SAMMSON: variants seen among roughly 807,000 people sequenced by gnomAD.
SAMMSON encodes the protein survival associated mitochondrial melanoma specific oncogenic non-coding RNA, also known as long intergenic non-protein coding RNA 1212.
At chr3:70,051,134 C>CAAAAAAAAAAAAAAAA (rs71126477) in intron 3 of SAMMSON, among the ~76,000 whole-genome samples, 2 of 45,234 alleles carry the variant, frequency 4.4e-5, no homozygotes, top group Non-Finnish European at 8.1e-5. Flanking sequence ...TACTCCATCT[C>CAAAAAAAAAAAAAAAA]AAAAAAAAAA....
intron 7 of SAMMSON, among the ~76,000 whole-genome samples, chr3:70,305,770 T>C (rs1702394055): frequency 6.6e-6 from 1 of 152,218 alleles, no homozygotes; most frequent in Admixed American, 6.6e-5. Flanking sequence ...GTCCAGTGAA[T>C]TTATGAATGT....
chr3:70,161,700 T>C (rs2106693382), intron 4 of SAMMSON, among the ~76,000 whole-genome samples: 1 of 151,962 alleles, frequency 6.6e-6, no homozygotes, highest in East Asian at 1.9e-4. Flanking sequence ...ATTTCAGAAG[T>C]TTTTCTTCCT....
At chr3:70,261,621 A>C (rs1459312304) in intron 6 of SAMMSON, among the ~76,000 whole-genome samples, 10 of 151,970 alleles carry the variant, frequency 6.6e-5, no homozygotes, top group African/African-American at 2.2e-4. Context: ...GGCTTTCTTC[A>C]CTTTCAACAA....
At chr3:70,056,082 A>G (rs2067165614) in intron 3 of SAMMSON, among the ~76,000 whole-genome samples, 1 of 151,998 alleles carries the variant, frequency 6.6e-6, no homozygotes, top group African/African-American at 2.4e-5. Context: ...CCAGAGCCCC[A>G]TTTATAGATT....
At chr3:70,001,484 A>G (rs1392930452) in intron 1 of SAMMSON, among the ~76,000 whole-genome samples, 1 of 151,178 alleles carries the variant, frequency 6.6e-6, no homozygotes, top group South Asian at 2.1e-4. Flanking sequence ...TATGTTCTAC[A>G]TGTATACATG....
intron 4 of SAMMSON, among the ~76,000 whole-genome samples, chr3:70,237,333 C>T (rs1211667061): frequency 6.6e-6 from 1 of 152,154 alleles, no homozygotes; most frequent in South Asian, 2.1e-4. Context: ...TAAACACTAC[C>T]TTGCTATGTT....
chr3:70,411,800 G>T (rs1460586033), intron 2 of SAMMSON, among the ~76,000 whole-genome samples: 1 of 152,128 alleles, frequency 6.6e-6, no homozygotes, highest in African/African-American at 2.4e-5. Context: ...GGTCTCCCCA[G>T]CCATGTGAAA....
intron 4 of SAMMSON, among the ~76,000 whole-genome samples, chr3:70,236,457 C>T (rs1701609873): frequency 6.6e-6 from 1 of 152,194 alleles, no homozygotes; most frequent in African/African-American, 2.4e-5. Context: ...GATATTCCCA[C>T]TTGCAACATG....
chr3:70,394,039 A>G (rs1292768658), downstream of SAMMSON, among the ~76,000 whole-genome samples: 1 of 152,174 alleles, frequency 6.6e-6, no homozygotes, highest in African/African-American at 2.4e-5. Context: ...TAGTGCCTTG[A>G]GTTCCAGCAG....
In SAMMSON at chr3:70,302,124, G is replaced by T. The variant is rs562660584; in HGVS notation, n.739+10881G>T. On this transcript the variant is annotated intron_variant and non_coding_transcript_variant, in intron 7 of 9. Coordinates refer to ENST00000642114, the Ensembl canonical transcript of SAMMSON. Reference sequence around the variant, plus strand: ...GAAGTTATACGCTGGCAAAACTACTGTCATTGCCCTTGCTTTTCATCTTTG... The same window carrying T: ...GAAGTTATACGCTGGCAAAACTACTTTCATTGCCCTTGCTTTTCATCTTTG... 3.3e-5 allele frequency among the ~76,000 whole-genome samples: 5 copies of T among 152,244 alleles called. No individual in the cohort carries two copies. The South Asian group carries it at 1.0e-3, about 32-fold the overall frequency.
intron 6 of SAMMSON, among the ~76,000 whole-genome samples, chr3:70,258,808 C>T (rs1158788126): frequency 6.6e-6 from 1 of 151,902 alleles, no homozygotes; most frequent in Non-Finnish European, 1.5e-5. Context: ...TAAAATATAA[C>T]CATAGAAGGA....
chr3:70,255,182 G>A (rs6549309), intron 6 of SAMMSON, among the ~76,000 whole-genome samples: 151,268 of 152,348 alleles, frequency 0.99, 75,108 homozygotes, highest in Non-Finnish European at 1. Context: ...GATTTATGTT[G>A]TCTAAAAAAA....
chr3:70,289,785 T>C (rs369866484), intron 6 of SAMMSON, among the ~76,000 whole-genome samples: 1 of 152,096 alleles, frequency 6.6e-6, no homozygotes, highest in Admixed American at 6.5e-5. Context: ...CTCTAAACTT[T>C]CCTTCTCGCT....
chr3:70,344,425 C>A (rs999126070), intron 7 of SAMMSON, among the ~76,000 whole-genome samples: 1 of 152,116 alleles, frequency 6.6e-6, no homozygotes, highest in Non-Finnish European at 1.5e-5. Context: ...CTCCATCCCC[C>A]TTCCAGTTCC....
chr3:70,013,617 G>A (rs963979568), exon 3 of SAMMSON: 1 of 152,160 alleles, frequency 6.6e-6, no homozygotes, highest in African/African-American at 2.4e-5. Flanking sequence ...CGAGGGGTGA[G>A]AGAAGACACT....
intron 4 of SAMMSON, among the ~76,000 whole-genome samples, chr3:70,210,040 G>A (rs1576156100): frequency 6.6e-6 from 1 of 152,052 alleles, no homozygotes; most frequent in African/African-American, 2.4e-5. Flanking sequence ...ATTATCACAC[G>A]TAGTCAGGCT....
intron 4 of SAMMSON, chr3:70,096,024 C>A (rs1344854544): frequency 6.6e-6 from 1 of 152,196 alleles, no homozygotes; most frequent in Non-Finnish European, 1.5e-5. Flanking sequence ...CAGGGTCTCT[C>A]ACAAGTCAAC....
At chr3:70,362,539 A>T (rs1249194674) in intron 9 of SAMMSON, among the ~76,000 whole-genome samples, 1 of 152,094 alleles carries the variant, frequency 6.6e-6, no homozygotes, top group East Asian at 1.9e-4. Flanking sequence ...GAAACATTTC[A>T]TGGAATACTA....
chr3:70,219,313 G>A (rs1209756031), intron 4 of SAMMSON, among the ~76,000 whole-genome samples: 2 of 152,196 alleles, frequency 1.3e-5, no homozygotes, highest in African/African-American at 4.8e-5. Context: ...TCTGCTGAAA[G>A]TAGAATGGAA....
Sources: allele counts gnomAD v4.1 joint callset (sites outside exome capture counted in the v4.1 genomes callset), GRCh38; gene constraint gnomAD v4.1.1; transcripts MANE v1.5; gene names NCBI Gene and HGNC (gene_info 2026-07-23, HGNC 2026-07-21).